Variants in STS observed in about 807,000 individuals in gnomAD.
The protein encoded by STS is steryl-sulfatase.
In STS, 7 loss-of-function variants were observed where a neutral mutation model predicts 26.8. The observed-to-expected ratio is 0.26, with a 90% CI of 0.15 to 0.49. The LOEUF (loss-of-function observed/expected upper bound fraction) is 0.49, where lower values mean the gene tolerates loss of function less well. Ranked by LOEUF, STS falls within the 20% of genes least tolerant of loss-of-function variation. STS has a pLI of 0.98. For synonymous variants in STS, 199 were observed against 189.4 expected (o/e 1.05, Z -0.42); for missense variants, 434 against 465.6 (o/e 0.93, Z 0.63).
intron 1 of STS, among the ~76,000 whole-genome samples, chrX:7,175,701 C>T (rs917079261): frequency 4.5e-5 from 5 of 112,023 alleles, no homozygotes; most frequent in Non-Finnish European, 9.4e-5. Context: ...ATTTTCCAAA[C>T]TCAATATGAT....
Position 7,214,346 on chromosome X carries a change from C to T in STS, c.-5+23338C>T, listed in dbSNP as rs1366431260. 2.7e-5 allele frequency among the ~76,000 whole-genome samples: 3 copies of T among 111,596 alleles called. No individual in the cohort carries two copies. In the Admixed American group the frequency reaches 2.9e-4, roughly 11 times the overall value. ...TTCCATAAAACCATTCCTCCAAAGC[C>T]TTCACATGGTCACAGTGGCCTTATT... On this transcript the variant is annotated intron_variant, in intron 2 of 10. Transcript: ENST00000674429.
chrX:7,352,956 C>A lies in STS; in HGVS notation c.*2695C>A, dbSNP rs945513109. On this transcript the variant is annotated 3_prime_UTR_variant, in exon 11 of 11. Transcript: ENST00000674429. ...AAAGTGAAGGGGAAACACACACACA[C>A]AAAAAAACAAGTATTTGGCTTGTCA... 11 of 110,563 alleles carry A rather than the reference C, an allele frequency of 9.9e-5. No individual in the cohort carries two copies. Among genetic ancestry groups the A allele is most frequent in the East Asian group, 8.4e-4 (3 of 3,559 alleles). 9.1% of individuals were successfully genotyped at this position (110,563 alleles called of 1,213,427 possible).
chrX:7,276,537 G>A (rs769081223), intron 7 of STS, among the ~76,000 whole-genome samples: 17 of 112,435 alleles, frequency 1.5e-4, no homozygotes, highest in Non-Finnish European at 2.4e-4. Flanking sequence ...CATTTCAGGG[G>A]AAGTCTAGTC....
At chrX:7,318,125 A>G (rs1182499484) in intron 8 of STS, among the ~76,000 whole-genome samples, 4 of 111,692 alleles carry the variant, frequency 3.6e-5, no homozygotes, top group African/African-American at 1.3e-4. Context: ...TAAAGTCACG[A>G]GTTTGAATGG....
chrX:7,202,277 G>T (rs1346055607), intron 2 of STS, among the ~76,000 whole-genome samples: 1 of 111,413 alleles, frequency 9.0e-6, no homozygotes, highest in African/African-American at 3.3e-5. Context: ...CGTTCTTGGA[G>T]TATCTTTGTT....
chrX:7,270,648 A>G (rs1924224563), intron 6 of STS, among the ~76,000 whole-genome samples: 1 of 112,137 alleles, frequency 8.9e-6, no homozygotes, highest in African/African-American at 3.2e-5. Context: ...TGTCACCCCT[A>G]TAGAATAAAA....
chrX:7,227,450 T>TG (rs1334724849), intron 2 of STS, among the ~76,000 whole-genome samples: 2 of 105,918 alleles, frequency 1.9e-5, no homozygotes, highest in Non-Finnish European at 3.9e-5. Flanking sequence ...AAATCGTTGT[T>TG]TTTTTTTTTT....
chrX:7,255,300 C>T (rs908137372), intron 3 of STS, among the ~76,000 whole-genome samples: 2 of 111,984 alleles, frequency 1.8e-5, no homozygotes, highest in African/African-American at 6.5e-5. Context: ...CACCTTTTGC[C>T]TACTTTTGTA....
In STS at chrX:7,162,607, G is replaced by A. The variant is rs192596541; in HGVS notation, c.-134+14524G>A. ...CCCACGGAGGCACTGTTGGTACGTG[G>A]GGCTGGGTGATTCCTTGCTGTAGGG... On this transcript the variant is annotated intron_variant, in intron 1 of 10. Coordinates refer to ENST00000674429, the MANE Select transcript of STS (RefSeq NM_001320752.2). Among the ~76,000 whole-genome samples, 8 of 110,308 alleles carry A rather than the reference G, an allele frequency of 7.3e-5. No homozygotes were observed. In the Admixed American group the frequency reaches 7.7e-4, roughly 11 times the overall value.
chrX:7,323,835 G>T (rs766630764), intron 8 of STS, among the ~76,000 whole-genome samples: 1 of 111,623 alleles, frequency 9.0e-6, no homozygotes, highest in South Asian at 3.8e-4. Context: ...TCTAGAGCCT[G>T]CCTGCATTCC....
chrX:7,261,001 G>A (rs1028703982), intron 6 of STS, among the ~76,000 whole-genome samples: 1 of 110,204 alleles, frequency 9.1e-6, no homozygotes, highest in African/African-American at 3.3e-5. Flanking sequence ...TACATAGGTA[G>A]GTATAATATA....
intron 8 of STS, among the ~76,000 whole-genome samples, chrX:7,313,149 TTAACTC>T (rs1926560866): frequency 8.9e-6 from 1 of 112,592 alleles, no homozygotes; most frequent in Admixed American, 9.4e-5. Context: ...AATGGATAAA[TTAACTC>T]TATAGATGGC....
intron 10 of STS, among the ~76,000 whole-genome samples, chrX:7,347,615 A>G (rs1222132784): frequency 9.0e-6 from 1 of 111,513 alleles, no homozygotes; most frequent in East Asian, 2.8e-4. Flanking sequence ...AGTGGAAAAT[A>G]CAGGCTCTTT....
intron 8 of STS, among the ~76,000 whole-genome samples, chrX:7,320,152 ATTTT>A (rs1240423281): frequency 1.0e-5 from 1 of 97,516 alleles, no homozygotes; most frequent in African/African-American, 3.7e-5. Flanking sequence ...ATATTTATAT[ATTTT>A]TTATTATATA....
rs1486981926 is a variant in STS at position 7,147,885 on chromosome X, C to G, written c.-332C>G. Reference sequence around the variant, plus strand: ...ACATGGGCCCGCGGGCGCTCCTGGCCGCCGCCCGACTTCGGGGCCAGCCGG... The same window carrying G: ...ACATGGGCCCGCGGGCGCTCCTGGCGGCCGCCCGACTTCGGGGCCAGCCGG... On this transcript the variant is annotated 5_prime_UTR_variant, in exon 1 of 11. Transcript: ENST00000674429. 5.3e-5 allele frequency: 14 copies of G among 265,338 alleles called. No homozygotes were observed. In the East Asian group the frequency reaches 1.0e-3, roughly 19 times the overall value. The allele number at this position is 265,338 out of a possible 1,213,427, so 21.9% of individuals were successfully genotyped here. A position where few individuals can be genotyped will look rare whatever the true frequency, so the allele number is the denominator to read the frequency against.
At chrX:7,220,926 G>A (rs1351288448) in intron 2 of STS, among the ~76,000 whole-genome samples, 2 of 111,309 alleles carry the variant, frequency 1.8e-5, no homozygotes, top group East Asian at 2.8e-4. Flanking sequence ...CTCTTAAATC[G>A]CAGGGATCTG....
At chrX:7,155,854 A>G (rs1342791576) in intron 1 of STS, among the ~76,000 whole-genome samples, 8 of 112,005 alleles carry the variant, frequency 7.1e-5, no homozygotes, top group African/African-American at 2.6e-4. Context: ...TAAAGTTGCA[A>G]TTTCCGAGAA....
intron 6 of STS, among the ~76,000 whole-genome samples, chrX:7,263,507 G>A (rs1982091251): frequency 8.9e-6 from 1 of 112,843 alleles, no homozygotes; most frequent in South Asian, 3.6e-4. Flanking sequence ...TAGCCTAGGA[G>A]TAATAGGCTT....
chrX:7,202,502 G>A (rs745893026), intron 2 of STS, among the ~76,000 whole-genome samples: 1 of 112,023 alleles, frequency 8.9e-6, no homozygotes, highest in East Asian at 2.8e-4. Context: ...CGGGGAAGGG[G>A]ATTACTGCAT....
Sources: gnomAD v4.1 joint callset for allele counts (sites outside exome capture counted in the v4.1 genomes callset) on GRCh38, gnomAD v4.1.1 for gene constraint, MANE v1.5 for transcripts, NCBI Gene and HGNC (gene_info 2026-07-23, HGNC 2026-07-21) for gene names.